CDH12: variants seen among roughly 807,000 people sequenced by gnomAD.
The protein encoded by CDH12 is cadherin 12.
CDH12 carries 41 observed loss-of-function variants against 74.1 expected under a neutral mutation model. The observed-to-expected ratio is 0.55, with a 90% CI of 0.43 to 0.72. CDH12 has a LOEUF of 0.72. Among genes scored for constraint, CDH12 ranks in the 30% least tolerant of loss-of-function variants. The pLI, the probability that CDH12 is intolerant of heterozygous loss-of-function variation, is 0.00. For synonymous variants in CDH12, 399 were observed against 355.0 expected (o/e 1.12, Z -1.39); for missense variants, 945 against 977.2 (o/e 0.97, Z 0.44).
At chr5:22,284,045 G>C (rs574452718) in intron 3 of CDH12, among the ~76,000 whole-genome samples, 51 of 151,914 alleles carry the variant, frequency 3.4e-4, no homozygotes, top group Non-Finnish European at 6.9e-4. Context: ...ATTTTTTATT[G>C]GTAATCAAAC....
intron 6 of CDH12, among the ~76,000 whole-genome samples, chr5:21,876,424 C>A (rs758727442): frequency 2.0e-5 from 3 of 152,176 alleles, no homozygotes; most frequent in Non-Finnish European, 4.4e-5. Flanking sequence ...TAAATCCTGA[C>A]CATCATTTAT....
intron 1 of CDH12, among the ~76,000 whole-genome samples, chr5:22,721,601 G>T (rs908524171): frequency 2.0e-5 from 3 of 152,152 alleles, no homozygotes; most frequent in African/African-American, 7.2e-5. Flanking sequence ...TGTTGAGAAG[G>T]CATGATTGGT....
intron 1 of CDH12, among the ~76,000 whole-genome samples, chr5:22,518,187 T>C (rs117266093): frequency 1.6e-3 from 239 of 152,352 alleles, no homozygotes; most frequent in African/African-American, 5.2e-3. Flanking sequence ...GAGGAATTAA[T>C]GTGTTTGTTT....
chr5:22,739,971 A>T (rs1744938289), intron 1 of CDH12, among the ~76,000 whole-genome samples: 2 of 152,088 alleles, frequency 1.3e-5, no homozygotes, highest in African/African-American at 2.4e-5. Flanking sequence ...ATTAAATTAA[A>T]CCTCTTGCTC....
intron 4 of CDH12, among the ~76,000 whole-genome samples, chr5:22,180,674 G>A (rs1749594080): frequency 6.6e-6 from 1 of 151,818 alleles, no homozygotes; most frequent in Non-Finnish European, 1.5e-5. Context: ...CACAATGCCT[G>A]GCTAACTTTA....
intron 2 of CDH12, among the ~76,000 whole-genome samples, chr5:22,457,422 TTCA>T (rs1303231072): frequency 2.5e-4 from 32 of 130,070 alleles, no homozygotes; most frequent in Non-Finnish European, 1.2e-4. Flanking sequence ...CCTCTTCTTC[TTCA>T]TTTTTTTTTT....
At chr5:21,775,692 T>A (rs907514866) in intron 11 of CDH12, among the ~76,000 whole-genome samples, 19 of 152,098 alleles carry the variant, frequency 1.2e-4, no homozygotes, top group Non-Finnish European at 5.9e-5. Flanking sequence ...GAGCTTCCTA[T>A]GTGACACTAT....
intron 1 of CDH12, among the ~76,000 whole-genome samples, chr5:22,766,327 T>G (rs912400159): frequency 1.3e-5 from 2 of 151,990 alleles, no homozygotes; most frequent in African/African-American, 4.8e-5. Flanking sequence ...ATAGCTTCAT[T>G]TAGAGTTAGA....
intron 2 of CDH12, among the ~76,000 whole-genome samples, chr5:22,473,513 A>C (rs1746050903): frequency 6.6e-6 from 1 of 152,138 alleles, no homozygotes; most frequent in African/African-American, 2.4e-5. Flanking sequence ...TGTAAAGTAT[A>C]TGTGAAGCAT....
chr5:22,265,337 A>T lies in CDH12; in HGVS notation c.-332-52694T>A, dbSNP rs530020762. The stretch of plus-strand genomic sequence containing the variant: ...ACACTTTCCCTTGTCAATTAGTTTC[A>T]ATATCAGGAACTCTGGAAAATCTGT... On this transcript the variant is annotated intron_variant, in intron 3 of 14. Coordinates refer to ENST00000382254, the MANE Select transcript of CDH12 (RefSeq NM_004061.5). 2.6e-5 allele frequency among the ~76,000 whole-genome samples: 4 copies of T among 152,312 alleles called. No homozygotes were observed. In the South Asian group the frequency reaches 8.3e-4, roughly 32 times the overall value.
At chr5:22,090,125 G>C (rs2150236682) in intron 4 of CDH12, among the ~76,000 whole-genome samples, 1 of 151,740 alleles carries the variant, frequency 6.6e-6, no homozygotes, top group Middle Eastern at 3.5e-3. Flanking sequence ...CCTTTGAAAG[G>C]ATTAACAAAA....
intron 3 of CDH12, among the ~76,000 whole-genome samples, chr5:22,267,992 A>G (rs139185963): frequency 3.0e-4 from 45 of 152,276 alleles, no homozygotes; most frequent in African/African-American, 9.6e-4. Context: ...CTTTGCTTAC[A>G]TAAGATCAAT....
chr5:22,546,635 C>A (rs1738344977), intron 1 of CDH12, among the ~76,000 whole-genome samples: 1 of 151,980 alleles, frequency 6.6e-6, no homozygotes, highest in African/African-American at 2.4e-5. Flanking sequence ...ATACATTGGG[C>A]AATGTTATGG....
chr5:22,306,779 T>C (rs1318910246), intron 3 of CDH12, among the ~76,000 whole-genome samples: 1 of 152,164 alleles, frequency 6.6e-6, no homozygotes, highest in Non-Finnish European at 1.5e-5. Context: ...ACATCAGTGC[T>C]GCTTAAGATA....
intron 1 of CDH12, among the ~76,000 whole-genome samples, chr5:22,800,776 A>C (rs1181491413): frequency 2.0e-5 from 3 of 152,048 alleles, no homozygotes; most frequent in African/African-American, 7.3e-5. Flanking sequence ...CCAGAATGTT[A>C]TATATTCTAA....
At chr5:22,362,563 C>T (rs1179964697) in intron 3 of CDH12, among the ~76,000 whole-genome samples, 4 of 152,010 alleles carry the variant, frequency 2.6e-5, no homozygotes, top group Non-Finnish European at 4.4e-5. Flanking sequence ...CCATTTGACC[C>T]AGCCATCCCA....
intron 8 of CDH12, among the ~76,000 whole-genome samples, chr5:21,838,961 T>C (rs1749690701): frequency 6.6e-6 from 1 of 152,214 alleles, no homozygotes; most frequent in Non-Finnish European, 1.5e-5. Context: ...CCCATGTGAA[T>C]GAGGATATTG....
At chr5:22,226,160 C>A (rs769675744) in intron 3 of CDH12, among the ~76,000 whole-genome samples, 19 of 151,664 alleles carry the variant, frequency 1.3e-4, no homozygotes, top group Admixed American at 5.9e-4. Context: ...TAAAGATATA[C>A]TCTGCAAGGG....
chr5:21,804,655 C>A (rs199887757), intron 9 of CDH12, among the ~76,000 whole-genome samples: 8,820 of 136,862 alleles, frequency 0.064, 441 homozygotes, highest in East Asian at 0.13. Flanking sequence ...CACACACACA[C>A]ACACACACAC....
Sources: gnomAD v4.1 joint callset for allele counts (sites outside exome capture counted in the v4.1 genomes callset) on GRCh38, gnomAD v4.1.1 for gene constraint, MANE v1.5 for transcripts, NCBI Gene and HGNC (gene_info 2026-07-23, HGNC 2026-07-21) for gene names.